Variants in CCT7 observed in about 807,000 individuals in gnomAD.
The protein encoded by CCT7 is T-complex protein 1 subunit eta.
CCT7 carries 16 observed loss-of-function variants against 56.6 expected under a neutral mutation model. That is an observed-to-expected ratio of 0.28 (90% confidence interval 0.19 to 0.43). CCT7 has a LOEUF of 0.43. Ranked by LOEUF, CCT7 falls within the 20% of genes least tolerant of loss-of-function variation. The pLI is 1.00. For missense variants in CCT7, 519 were observed against 685.6 expected (o/e 0.76, Z 2.71); for synonymous variants, 262 against 254.8 (o/e 1.03, Z -0.27).
intron 6 of CCT7, among the ~76,000 whole-genome samples, chr2:73,244,969 CAGTG>C (rs1315612526): frequency 6.6e-6 from 1 of 152,142 alleles, no homozygotes; most frequent in Non-Finnish European, 1.5e-5. Flanking sequence ...TTCTCTGTGT[CAGTG>C]GGTGGTGGAG....
intron 9 of CCT7, 56 bp from the exon 10 acceptor site, chr2:73,250,250 C>T (rs1687519051): frequency 4.4e-6 from 7 of 1,604,870 alleles, no homozygotes; most frequent in Non-Finnish European, 6.0e-6. Flanking sequence ...GAGGACAATA[C>T]AGTAGGATGG....
Position 73,252,944 on chromosome 2 carries a change from G to A in CCT7, c.*83G>A. ...CTTGGTTACTTCATTTTACAAGGAA[G>A]GGGTAGTAATTGGCCCACTCTCTTC... On this transcript the variant is annotated 3_prime_UTR_variant, in exon 12 of 12. Transcript: ENST00000258091. The A allele has an allele frequency of 1.0e-6, 1 of 977,214 alleles. No homozygotes were observed. The allele number at this position is 977,214 out of a possible 1,614,324, so 60.5% of individuals were successfully genotyped here.
chr2:73,242,460 A>G lies in CCT7; in HGVS notation c.268-544A>G, dbSNP rs1687158977. Among the ~76,000 whole-genome samples the G allele has an allele frequency of 2.6e-5, 4 of 151,700 alleles. No individual in the cohort carries two copies. In the South Asian group the frequency reaches 8.3e-4, roughly 31 times the overall value. On this transcript the variant is annotated intron_variant, in intron 3 of 11. Coordinates refer to ENST00000258091, the MANE Select transcript of CCT7 (RefSeq NM_006429.4). ...ACGCCCAGCTAATTTTTGTATTTTT[A>G]GTAGAGACAGGGTTTCACCGTGTTG...
chr2:73,250,225 G>A (rs925058094), intron 9 of CCT7, 81 bp from the exon 10 acceptor site: 2 of 1,520,558 alleles, frequency 1.3e-6, no homozygotes, highest in Admixed American at 1.7e-5. Context: ...GCTGAGTGTT[G>A]GGGGGGCTGG....
chr2:73,243,951 G>A, intron 4 of CCT7, 46 bp from the exon 5 acceptor site: 9 of 1,585,924 alleles, frequency 5.7e-6, no homozygotes, highest in Non-Finnish European at 6.9e-6. Context: ...CACTTCAGCA[G>A]TTTGTCTTTA....
At position 73,252,978 on chromosome 2, in the gene CCT7, G is replaced by A. The variant is rs1201198860; in HGVS notation, c.*117G>A. 1 of 670,696 alleles carries A rather than the reference G, an allele frequency of 1.5e-6. No individual in the cohort carries two copies. Among genetic ancestry groups the A allele is most frequent in the Non-Finnish European group, 2.6e-6 (1 of 390,402 alleles). 41.5% of individuals were successfully genotyped at this position (670,696 alleles called of 1,614,324 possible). Reference sequence around the variant, plus strand: ...ATTGGCCCACTCTCTTCTTACTGGAGGCTATTTAAATAAAATGTAAGACTT... The same window carrying A: ...ATTGGCCCACTCTCTTCTTACTGGAAGCTATTTAAATAAAATGTAAGACTT... On this transcript the variant is annotated 3_prime_UTR_variant, in exon 12 of 12. Coordinates refer to ENST00000258091, the MANE Select transcript of CCT7 (RefSeq NM_006429.4).
At chr2:73,238,570 C>T (rs1686972959) in intron 1 of CCT7, among the ~76,000 whole-genome samples, 1 of 152,364 alleles carries the variant, frequency 6.6e-6, no homozygotes, top group East Asian at 1.9e-4. Context: ...GGCTTTCAAA[C>T]TTTTTATTGC....
chr2:73,249,257 G>T (rs1309249337), intron 8 of CCT7, 78 bp downstream of exon 8: 1 of 1,122,708 alleles, frequency 8.9e-7, no homozygotes, highest in Non-Finnish European at 1.2e-6. Context: ...ATAACAGAGT[G>T]TACTGTCAGG....
At chr2:73,238,951 AAG>A (rs1475923580) in intron 1 of CCT7, 1 of 152,250 alleles carries the variant, frequency 6.6e-6, no homozygotes, top group African/African-American at 2.4e-5. Flanking sequence ...GCAATATAGA[AAG>A]AGGAAAACTT....
At position 73,244,024 on chromosome 2, in the gene CCT7, G is replaced by C; in HGVS notation, c.421G>C (p.Val141Leu). The stretch of plus-strand genomic sequence containing the variant: ...AGTTAACAAGATCAAAGAGATTGCT[G>C]TGACCGTGAAGAAGGCAGATAAAGT... ...LAVNKIKEIAVTVKKADKVEQ... is the reference protein window; with the variant it reads ...LAVNKIKEIALTVKKADKVEQ... Residue 141 changes from valine to leucine, a missense_variant, in exon 5 of 12, where the codon GTG (valine) becomes CTG (leucine). Val to Leu is a conservative substitution (Grantham distance 32). This residue lies in a region of CCT7 where 276 missense variants were observed against 357.3 expected (regional missense o/e 0.77). Coordinates refer to ENST00000258091, the MANE Select transcript of CCT7 (RefSeq NM_006429.4). 5.6e-6 allele frequency: 9 copies of C among 1,612,834 alleles called. No individual in the cohort carries two copies. The highest frequency in any genetic ancestry group is 7.6e-6 in the Non-Finnish European group (9 of 1,179,602).
rs181929902 is a variant in CCT7 at position 73,247,754 on chromosome 2, T to C, written c.619-8T>C. 402 of 1,612,826 alleles carry C rather than the reference T, an allele frequency of 2.5e-4. 1 individual carries two copies. The African/African-American group carries it at 4.9e-3, about 20-fold the overall frequency. ...CAAACCATTAAAGTGTTTGTTTTTT[T>C]AAAACAGGATTCTCAGCTGGTAGCT... On this transcript the variant is annotated splice_polypyrimidine_tract_variant and splice_region_variant and intron_variant, in intron 6 of 11. Transcript: ENST00000258091.
At chr2:73,240,182 TTTTCTG>T in intron 2 of CCT7, 3 of 346,906 alleles carry the variant, frequency 8.6e-6, no homozygotes, top group Non-Finnish European at 1.5e-5. Flanking sequence ...TTAAAAAATC[TTTTCTG>T]TATCCAGTTG....
In CCT7 at chr2:73,244,371, C is replaced by A. The variant is rs531570896; in HGVS notation, c.447-173C>A. The stretch of plus-strand genomic sequence containing the variant: ...GTTTAAAAGCTGCCACATATGAGAT[C>A]TTTGACTGCAGTCACCATCTGTCAC... On this transcript the variant is annotated intron_variant, in intron 5 of 11. Transcript: ENST00000258091. 3.6e-5 allele frequency: 22 copies of A among 618,794 alleles called. 1 individual carries two copies. In the African/African-American group the frequency reaches 3.7e-4, roughly 10 times the overall value. The allele number at this position is 618,794 out of a possible 1,614,324, so 38.3% of individuals were successfully genotyped here.
At chr2:73,247,982 A>G (rs1475455067) in intron 7 of CCT7, 56 bp downstream of exon 7, 9 of 1,522,184 alleles carry the variant, frequency 5.9e-6, no homozygotes, top group Admixed American at 1.7e-5. Flanking sequence ...TCTGAGCCAG[A>G]GCCCTGGGTC....
At position 73,252,324 on chromosome 2, in the gene CCT7, G is replaced by GATATATATATATATATAT. The variant is rs57359293; in HGVS notation, c.1411-306_1411-289dup. 3.5e-3 allele frequency among the ~76,000 whole-genome samples: 443 copies of GATATATATATATATATAT among 127,234 alleles called. 4 individuals carry two copies. The highest frequency in any genetic ancestry group is 8.2e-3 in the African/African-American group (270 of 32,994). The allele number at this position is 127,234 out of a possible 152,430, so 83.5% of individuals were successfully genotyped here. ...TGTTTATCTTGAGAACTCATTGTTT[G>GATATATATATATATATAT]ATATATATATATATATATATATATA... On this transcript the variant is annotated intron_variant, in intron 11 of 11. Transcript: ENST00000258091.
chr2:73,234,694 G>A (rs907757050), intron 1 of CCT7, among the ~76,000 whole-genome samples: 27 of 152,230 alleles, frequency 1.8e-4, no homozygotes, highest in African/African-American at 6.5e-4. Context: ...CCGCATGATC[G>A]GGACTTGCGT....
At chr2:73,239,867 T>C in intron 2 of CCT7, 71 bp downstream of exon 2, 1 of 1,343,510 alleles carries the variant, frequency 7.4e-7, no homozygotes, top group Non-Finnish European at 1.0e-6. Flanking sequence ...GGGACTAGCA[T>C]AGGTTGGTAT....
chr2:73,247,932 T>C lies in CCT7; in HGVS notation c.783+6T>C. 1 of 1,611,452 alleles carries C rather than the reference T, an allele frequency of 6.2e-7. No individual in the cohort carries two copies. Among genetic ancestry groups the C allele is most frequent in the Non-Finnish European group, 8.5e-7 (1 of 1,177,736 alleles). ...TAAGAGTCCACACAGTTGAGGTAGG[T>C]GGGTTCACCAGTTGGTGGGGGCATG... On this transcript the variant is annotated splice_donor_region_variant and intron_variant, in intron 7 of 11. Transcript: ENST00000258091.
intron 4 of CCT7, 91 bp from the exon 5 acceptor site, chr2:73,243,906 G>A (rs976193582): frequency 1.6e-5 from 18 of 1,157,774 alleles, no homozygotes; most frequent in Non-Finnish European, 2.3e-5. Flanking sequence ...GGATTTGGGA[G>A]TGAACAGACT....
Sources: allele counts gnomAD v4.1 joint callset (sites outside exome capture counted in the v4.1 genomes callset), GRCh38; gene constraint gnomAD v4.1.1; regional missense constraint gnomAD v4.1.1; transcripts MANE v1.5; gene names NCBI Gene and HGNC (gene_info 2026-07-23, HGNC 2026-07-21).